Variants in KLF3 observed in about 807,000 individuals in gnomAD.
KLF3 encodes Krueppel-like factor 3.
In KLF3, 6 loss-of-function variants were observed where a neutral mutation model predicts 32.7. The observed-to-expected ratio is 0.18, with a 90% CI of 0.10 to 0.36. The LOEUF is 0.36. Among genes scored for constraint, KLF3 ranks in the 10% least tolerant of loss-of-function variants. The probability of loss-of-function intolerance (pLI) is 1.00; values close to 1 mark genes in which losing one functional copy is unlikely to be tolerated. For missense variants in KLF3, 338 were observed against 449.7 expected (o/e 0.75, Z 2.25); for synonymous variants, 145 against 172.8 (o/e 0.84, Z 1.26).
At chr4:38,684,541 G>GT (rs139709836) in intron 2 of KLF3, among the ~76,000 whole-genome samples, 191 of 109,150 alleles carry the variant, frequency 1.7e-3, no homozygotes, top group East Asian at 5.0e-3. Context: ...GGTTTTTTGT[G>GT]TTTTTTTTTT....
rs1015669897 is a variant in KLF3 at position 38,699,156 on chromosome 4, T to A, written c.*1893T>A. Reference sequence around the variant, plus strand: ...CAAAGAAATGTGTTATCTTGGCACTTGGGTTTGATTTTCCTTTTTTTAAAG... The same window carrying A: ...CAAAGAAATGTGTTATCTTGGCACTAGGGTTTGATTTTCCTTTTTTTAAAG... On this transcript the variant is annotated 3_prime_UTR_variant, in exon 6 of 6. Transcript: ENST00000261438. 1 of 152,222 alleles carries A rather than the reference T, an allele frequency of 6.6e-6. No homozygotes were observed. The highest frequency in any genetic ancestry group is 2.4e-5 in the African/African-American group (1 of 41,462). 9.4% of individuals were successfully genotyped at this position (152,222 alleles called of 1,614,324 possible). A position where few individuals can be genotyped will look rare whatever the true frequency, so the allele number is the denominator to read the frequency against.
intron 2 of KLF3, 53 bp downstream of exon 2, chr4:38,680,735 C>A: frequency 7.4e-7 from 1 of 1,349,404 alleles, no homozygotes; most frequent in Non-Finnish European, 1.1e-6. Context: ...GTGATGATAA[C>A]ATTATTGTGT....
rs1253090258 is a variant in KLF3, at chr4:38,688,655, C to G, written c.128C>G (p.Pro43Arg). Residue 43 changes from proline (P) to arginine (R), a missense_variant, in exon 3 of 6, where the codon CCT becomes CGT. This residue lies in a region of KLF3 where 272 missense variants were observed against 313.4 expected (regional missense o/e 0.87). Coordinates refer to ENST00000261438, the MANE Select transcript of KLF3 (RefSeq NM_016531.6). The surrounding 1 kb of genome is among the most constrained non-coding windows in gnomAD (Gnocchi z 4.9). ...GGGGTCATCTACTCCACACCATTGCCTGAGAAGTTCTTTCAGACCCCAGAA... is the reference window on the plus strand; with the variant it reads ...GGGGTCATCTACTCCACACCATTGCGTGAGAAGTTCTTTCAGACCCCAGAA... ...KYGVIYSTPL[P>R]EKFFQTPEGL... 1.2e-6 allele frequency: 2 copies of G among 1,614,062 alleles called. No individual in the cohort carries two copies. The highest frequency in any genetic ancestry group is 1.3e-5 in the African/African-American group (1 of 74,930).
intron 2 of KLF3, among the ~76,000 whole-genome samples, chr4:38,681,219 GATATGATCA>G (rs1722516267): frequency 6.6e-6 from 1 of 152,162 alleles, no homozygotes; most frequent in Admixed American, 6.5e-5. Context: ...GTCCCCCTAA[GATATGATCA>G]GCATAGAACT....
At chr4:38,691,680 T>G (rs1239872236) in intron 4 of KLF3, among the ~76,000 whole-genome samples, 1 of 152,236 alleles carries the variant, frequency 6.6e-6, no homozygotes, top group African/African-American at 2.4e-5. Context: ...TTTTAATGAT[T>G]AATGAGTAAT....
chr4:38,692,187 C>T (rs933985909), intron 4 of KLF3, among the ~76,000 whole-genome samples: 2 of 152,168 alleles, frequency 1.3e-5, no homozygotes, highest in African/African-American at 4.8e-5. Flanking sequence ...CAGCTCAAAA[C>T]AGTGGACAAG....
In KLF3 at chr4:38,688,701, G is replaced by T. The variant is rs1407920553; in HGVS notation, c.174G>T (p.Gln58His). 6.2e-7 allele frequency: 1 copy of T among 1,614,190 alleles called. No homozygotes were observed. The highest frequency in any genetic ancestry group is 1.7e-5 in the Admixed American group (1 of 60,022). ...CAGAAGGTCTGTCGCACGGAATACA[G>T]ATGGAGCCAGTGGACCTCACGGTGA... Reference protein sequence around the residue: ...QTPEGLSHGIQMEPVDLTVNK... With the variant: ...QTPEGLSHGIHMEPVDLTVNK... The change falls in exon 3 of 6, where the codon CAG becomes CAT. Residue 58 changes from glutamine (Q) to histidine (H), a missense_variant. Coordinates refer to ENST00000261438, the MANE Select transcript of KLF3 (RefSeq NM_016531.6). This position sits in a 1 kb window ranked among gnomAD's most constrained non-coding sequence, Gnocchi z 4.9.
Position 38,694,853 on chromosome 4 carries a change from A to C in KLF3, c.803A>C (p.Asn268Thr), listed in dbSNP as rs1190212199. 1 of 1,608,066 alleles carries C rather than the reference A, an allele frequency of 6.2e-7. No homozygotes were observed. The highest frequency in any genetic ancestry group is 8.5e-7 in the Non-Finnish European group (1 of 1,177,970). Residue 268 changes from asparagine (N) to threonine (T), a missense_variant, in exon 5 of 6, where the codon AAC becomes ACC. Physicochemically the swap from Asn to Thr is moderately conservative, Grantham distance 65. Transcript: ENST00000261438. ...CACAGATGTGATTATGATGGATGCAACAAAGTGTACACTAAAAGCTCCCAC... is the reference window on the plus strand; with the variant it reads ...CACAGATGTGATTATGATGGATGCACCAAAGTGTACACTAAAAGCTCCCAC... ...RIHRCDYDGC[N>T]KVYTKSSHLK...
chr4:38,680,776 C>A, intron 2 of KLF3, 94 bp downstream of exon 2: 5 of 1,012,864 alleles, frequency 4.9e-6, no homozygotes, highest in Non-Finnish European at 7.7e-6. Context: ...CATGGCCGGG[C>A]GTGGTGGCTC....
At chr4:38,694,526 G>A (rs1049891795) in intron 4 of KLF3, among the ~76,000 whole-genome samples, 2 of 152,098 alleles carry the variant, frequency 1.3e-5, no homozygotes, top group Middle Eastern at 3.2e-3. Context: ...TTTGTGTCCC[G>A]GTGCCAAGCA....
chr4:38,689,917 G>A lies in KLF3; in HGVS notation c.695+38G>A, dbSNP rs753921310. Reference sequence around the variant, plus strand: ...AGGTCTACCCAGCATTTGCATAGTAGTGTGCATCTTGGAACCTGGAGCAGA... The same window carrying A: ...AGGTCTACCCAGCATTTGCATAGTAATGTGCATCTTGGAACCTGGAGCAGA... On this transcript the variant is annotated intron_variant, in intron 4 of 5. Coordinates refer to ENST00000261438, the MANE Select transcript of KLF3 (RefSeq NM_016531.6). 19 of 1,573,200 alleles carry A rather than the reference G, an allele frequency of 1.2e-5. No homozygotes were observed. In the South Asian group the frequency reaches 2.2e-4, roughly 19 times the overall value.
intron 2 of KLF3, among the ~76,000 whole-genome samples, chr4:38,687,272 G>A (rs898657611): frequency 5.9e-5 from 9 of 152,152 alleles, no homozygotes; most frequent in Admixed American, 2.0e-4. Flanking sequence ...CAAAATTTCA[G>A]TTTCCCTAAA....
chr4:38,689,947 C>G (rs1181769475), intron 4 of KLF3, 68 bp downstream of exon 4: 137 of 1,483,172 alleles, frequency 9.2e-5, no homozygotes, highest in Non-Finnish European at 1.2e-4. Context: ...AGCAGAAGCA[C>G]AAGATTTCAC....
chr4:38,681,796 G>A (rs772754544), intron 2 of KLF3, among the ~76,000 whole-genome samples: 4 of 152,176 alleles, frequency 2.6e-5, no homozygotes, highest in Non-Finnish European at 2.9e-5. Flanking sequence ...GTAATGACAC[G>A]CTTGCAAAAT....
chr4:38,677,312 C>T (rs1722384898), intron 1 of KLF3, among the ~76,000 whole-genome samples: 1 of 152,150 alleles, frequency 6.6e-6, no homozygotes, highest in Non-Finnish European at 1.5e-5. Flanking sequence ...ACAAGTCTTG[C>T]ATTTCCTTAA....
At chr4:38,669,114 AAAAAT>A (rs1226085241) in intron 1 of KLF3, among the ~76,000 whole-genome samples, 3 of 151,288 alleles carry the variant, frequency 2.0e-5, no homozygotes, top group Non-Finnish European at 4.4e-5. Context: ...TGAGTTTAAG[AAAAAT>A]AAAATACACA....
chr4:38,680,578 G>A lies in KLF3; in HGVS notation c.-39-9G>A, dbSNP rs1394954889. The A allele has an allele frequency of 7.1e-7, 1 of 1,414,858 alleles. No individual in the cohort carries two copies. Among genetic ancestry groups the A allele is most frequent in the Non-Finnish European group, 1.0e-6 (1 of 1,000,732 alleles). The allele number at this position is 1,414,858 out of a possible 1,614,324, so 87.6% of individuals were successfully genotyped here. On this transcript the variant is annotated splice_polypyrimidine_tract_variant and intron_variant, in intron 1 of 5. Transcript: ENST00000261438. The stretch of plus-strand genomic sequence containing the variant: ...GAGACTTAGATGGATACCTTGTTTT[G>A]TTTTCTAGGCCAAACACCAGAGCAC...
chr4:38,697,914 A>G lies in KLF3; in HGVS notation c.*651A>G, dbSNP rs1310052339. On this transcript the variant is annotated 3_prime_UTR_variant, in exon 6 of 6. Coordinates refer to ENST00000261438, the MANE Select transcript of KLF3 (RefSeq NM_016531.6). ...GGAGATGAGCCCAAACTTTCGATCTAGGTGGGTGATGTGTAGCAGTTCAAG... is the reference window on the plus strand; with the variant it reads ...GGAGATGAGCCCAAACTTTCGATCTGGGTGGGTGATGTGTAGCAGTTCAAG... 1 of 152,248 alleles carries G rather than the reference A, an allele frequency of 6.6e-6. No homozygotes were observed. The highest frequency in any genetic ancestry group is 1.5e-5 in the Non-Finnish European group (1 of 68,072). 9.4% of individuals were successfully genotyped at this position (152,248 alleles called of 1,614,324 possible). A position where few individuals can be genotyped will look rare whatever the true frequency, so the allele number is the denominator to read the frequency against.
intron 4 of KLF3, among the ~76,000 whole-genome samples, chr4:38,693,350 T>TAAAAA (rs3839135): frequency 6.8e-6 from 1 of 147,482 alleles, no homozygotes; most frequent in Admixed American, 6.8e-5. Context: ...ATGTTTTTTT[T>TAAAAA]AAAAAAAAAA....
Sources: allele counts gnomAD v4.1 joint callset (sites outside exome capture counted in the v4.1 genomes callset), GRCh38; gene constraint gnomAD v4.1.1; regional missense constraint gnomAD v4.1.1; non-coding constraint Gnocchi (gnomAD v3.1); transcripts MANE v1.5; gene names NCBI Gene and HGNC (gene_info 2026-07-23, HGNC 2026-07-21).